USP7: variants seen among roughly 807,000 people sequenced by gnomAD.
USP7 encodes the protein ubiquitin C-terminal hydrolase 7.
USP7 carries 9 observed loss-of-function variants against 162.9 expected under a neutral mutation model. The observed-to-expected ratio is 0.06, with a 90% confidence interval of 0.03 to 0.10. The LOEUF (loss-of-function observed/expected upper bound fraction) is 0.10, where lower values mean the gene tolerates loss of function less well. USP7 is among the 10% of genes least tolerant of loss of function. The probability of loss-of-function intolerance (pLI) is 1.00; values close to 1 mark genes in which losing one functional copy is unlikely to be tolerated. For synonymous variants in USP7, 562 were observed against 475.9 expected, an observed-to-expected ratio of 1.18 and a Z score of -2.35; for missense variants, 715 against 1,373.7, an observed-to-expected ratio of 0.52 and a Z score of 7.58.
intron 1 of USP7, among the ~76,000 whole-genome samples, chr16:8,947,015 T>G (rs1567244128): frequency 1.3e-5 from 2 of 152,316 alleles, no homozygotes; most frequent in African/African-American, 4.8e-5. Flanking sequence ...TTCATTAAGT[T>G]ACCACTTGTT....
At chr16:8,913,041 G>A (rs1056634242) in intron 10 of USP7, among the ~76,000 whole-genome samples, 1 of 151,874 alleles carries the variant, frequency 6.6e-6, no homozygotes. Flanking sequence ...CTGAAAACCA[G>A]TGAGAAGGAA....
At chr16:8,899,466 T>C in intron 22 of USP7, 138 bp downstream of exon 22, 1 of 1,104,252 alleles carries the variant, frequency 9.1e-7, no homozygotes. Context: ...AGAGCCTGAA[T>C]CCATCAGTGG....
intron 2 of USP7, among the ~76,000 whole-genome samples, chr16:8,929,802 T>C (rs186834980): frequency 6.6e-5 from 10 of 152,328 alleles, no homozygotes; most frequent in Admixed American, 2.6e-4. Flanking sequence ...AGAGAAGCTA[T>C]AGACCAAAAC....
intron 1 of USP7, among the ~76,000 whole-genome samples, chr16:8,937,796 G>C (rs1898833976): frequency 6.6e-6 from 1 of 152,186 alleles, no homozygotes; most frequent in African/African-American, 2.4e-5. Flanking sequence ...TTTGGGAGAT[G>C]AAACACAAAA....
chr16:8,914,213 A>C (rs1026934601), intron 10 of USP7, among the ~76,000 whole-genome samples: 1 of 152,086 alleles, frequency 6.6e-6, no homozygotes, highest in Non-Finnish European at 1.5e-5. Context: ...TCTTCAAGGA[A>C]ATACAAACTA....
chr16:8,926,507 CA>C (rs753196819), intron 2 of USP7, among the ~76,000 whole-genome samples: 1 of 150,930 alleles, frequency 6.6e-6, no homozygotes, highest in Admixed American at 6.6e-5. Context: ...ATAGGAGGGC[CA>C]AAAAAAAGGA....
chr16:8,909,179 T>C (rs1484814461), intron 11 of USP7, among the ~76,000 whole-genome samples: 1 of 152,210 alleles, frequency 6.6e-6, no homozygotes, highest in Non-Finnish European at 1.5e-5. Flanking sequence ...GCCAGCTCTT[T>C]GTTCCTCAGT....
intron 1 of USP7, among the ~76,000 whole-genome samples, chr16:8,933,681 C>G (rs1055811838): frequency 2.0e-5 from 3 of 151,958 alleles, no homozygotes; most frequent in Admixed American, 1.3e-4. Context: ...TTGAACTGGA[C>G]TCAAGCAATC....
intron 14 of USP7, among the ~76,000 whole-genome samples, chr16:8,904,809 T>C (rs944084878): frequency 6.8e-6 from 1 of 146,636 alleles, no homozygotes; most frequent in African/African-American, 2.5e-5. Flanking sequence ...AAAAATAAAA[T>C]AAAATACAAA....
At chr16:8,941,524 A>T (rs1211881697) in intron 1 of USP7, among the ~76,000 whole-genome samples, 1 of 152,216 alleles carries the variant, frequency 6.6e-6, no homozygotes, top group Non-Finnish European at 1.5e-5. Context: ...CATGTCCAGT[A>T]ACTTGTCCTA....
chr16:8,961,294 A>G (rs1320114870), intron 1 of USP7, among the ~76,000 whole-genome samples: 1 of 152,046 alleles, frequency 6.6e-6, no homozygotes, highest in African/African-American at 2.4e-5. Context: ...GGAGTTCGAG[A>G]CCAGCCTGAC....
chr16:8,900,508 C>A lies in USP7; in HGVS notation c.2309+22G>T, dbSNP rs763404579. 22 of 1,537,638 alleles carry A rather than the reference C, an allele frequency of 1.4e-5. No homozygotes were observed. The South Asian group carries it at 2.3e-4, about 16-fold the overall frequency. ...ATCCTGAAATTAGTACAAAGTGATA[C>A]AATCCTTCACAAAGTACATACTTCT... On this transcript the variant is annotated intron_variant, in intron 21 of 30. Coordinates refer to ENST00000344836, the MANE Select transcript of USP7 (RefSeq NM_003470.3).
chr16:8,895,618 G>C, intron 27 of USP7, 24 bp downstream of exon 27: 1 of 1,578,354 alleles, frequency 6.3e-7, no homozygotes, highest in Non-Finnish European at 8.7e-7. Context: ...TCTCTCTGGT[G>C]CCAACAGTAT....
chr16:8,894,892 C>G (rs765140671), intron 28 of USP7, 37 bp from the exon 29 acceptor site: 3 of 1,614,106 alleles, frequency 1.9e-6, no homozygotes, highest in Admixed American at 1.7e-5. Flanking sequence ...CACAGTCACT[C>G]CCAGCACCCC....
At chr16:8,899,047 A>G (rs1272027861) in intron 23 of USP7, 74 bp downstream of exon 23, 3 of 1,479,176 alleles carry the variant, frequency 2.0e-6, no homozygotes, top group African/African-American at 1.4e-5. Context: ...TATTAAAATT[A>G]GTTCCAAGAT....
rs1325421022 is a variant in USP7 at position 8,894,041 on chromosome 16, C to T, written c.3266G>A (p.Ser1089Asn). 1.9e-6 allele frequency: 3 copies of T among 1,614,104 alleles called. No homozygotes were observed. The highest frequency in any genetic ancestry group is 1.7e-6 in the Non-Finnish European group (2 of 1,180,058). The change falls in exon 31 of 31, where the codon AGT (serine) becomes AAT (asparagine). Residue 1089 changes from serine to asparagine, a missense_variant. Ser to Asn is a conservative substitution (Grantham distance 46, BLOSUM62 1). Coordinates refer to ENST00000344836, the MANE Select transcript of USP7 (RefSeq NM_003470.3). Reference sequence around the variant, plus strand: ...GGCCTTTTCAAGGTAAGTGTAGCGACTCCTCTTTGGGGCTTTGTTGAAGTG... The same window carrying T: ...GGCCTTTTCAAGGTAAGTGTAGCGATTCCTCTTTGGGGCTTTGTTGAAGTG... ...LDHFNKAPKR[S>N]RYTYLEKAIK...
rs780351775 is a variant in USP7 at position 8,894,528 on chromosome 16, C to CT, written c.3202+21_3202+22insA. ...CTTAGTCTGAAACCCACACCAGCCC[C>CT]CGGGGGGGGGAGAACCCTTACCGGG... On this transcript the variant is annotated intron_variant, in intron 30 of 30. Coordinates refer to ENST00000344836, the MANE Select transcript of USP7 (RefSeq NM_003470.3). 35 of 1,493,678 alleles carry CT rather than the reference C, an allele frequency of 2.3e-5. No individual in the cohort carries two copies. In the Middle Eastern group the frequency reaches 7.1e-4, roughly 30 times the overall value. 92.5% of individuals were successfully genotyped at this position (1,493,678 alleles called of 1,614,324 possible).
At chr16:8,927,412 T>C (rs1898070925) in intron 2 of USP7, among the ~76,000 whole-genome samples, 1 of 152,240 alleles carries the variant, frequency 6.6e-6, no homozygotes, top group Non-Finnish European at 1.5e-5. Context: ...AATGGTGCTG[T>C]TGCAGTGATT....
intron 25 of USP7, among the ~76,000 whole-genome samples, chr16:8,897,712 A>AC (rs1567206400): frequency 2.8e-4 from 11 of 39,230 alleles, no homozygotes; most frequent in Non-Finnish European, 4.6e-4. Context: ...AAAAAAAAAA[A>AC]AAAAAAAAAA....
Sources: gnomAD v4.1 joint callset for allele counts (sites outside exome capture counted in the v4.1 genomes callset) on GRCh38, gnomAD v4.1.1 for gene constraint, MANE v1.5 for transcripts, NCBI Gene and HGNC (gene_info 2026-07-23, HGNC 2026-07-21) for gene names.